The following RRP9 variants were observed in gnomAD, a reference collection of about 807,000 sequenced individuals.
RRP9 encodes U3 small nucleolar RNA-interacting protein 2.
In RRP9, 35 loss-of-function variants were observed where a neutral mutation model predicts 65.5. The observed-to-expected ratio is 0.53, with a 90% CI of 0.41 to 0.71. The LOEUF (loss-of-function observed/expected upper bound fraction) is 0.71. Among genes scored for constraint, RRP9 ranks in the 30% least tolerant of loss-of-function variants. The pLI is 0.00. For missense variants in RRP9, 533 were observed against 633.6 expected (o/e 0.84, Z 1.70); for synonymous variants, 254 against 245.0 (o/e 1.04, Z -0.34).
chr3:51,941,792 G>T lies in RRP9; in HGVS notation c.76C>A (p.Arg26=). Residue 26 remains arginine (R), a synonymous_variant, in exon 1 of 15, where the codon CGG becomes AGG. Coordinates refer to ENST00000232888, the MANE Select transcript of RRP9 (RefSeq NM_004704.5). ...AGCGCCATGCTCACCTTTCGCCGCC[G>T]CTTGCCGGCCCCCGCGCCAGCCCCG... is the stretch of plus-strand genomic sequence containing the variant. ...GAGAGAGAGK[R]RRKADSAGDR... The T allele has an allele frequency of 6.4e-7, 1 of 1,565,096 alleles. No individual in the cohort carries two copies. Among genetic ancestry groups the T allele is most frequent in the Admixed American group, 1.8e-5 (1 of 56,852 alleles).
rs762917875 is a variant in RRP9 at position 51,935,256 on chromosome 3, G to A, written c.975C>T (p.Gly325=). 1.4e-5 allele frequency: 23 copies of A among 1,614,216 alleles called. No individual in the cohort carries two copies. Among genetic ancestry groups the A allele is most frequent in the Non-Finnish European group, 1.9e-5 (23 of 1,180,040 alleles). The change falls in exon 11 of 15, where the codon GGC becomes GGT. Residue 325 remains glycine, a synonymous_variant. Coordinates refer to ENST00000232888, the MANE Select transcript of RRP9 (RefSeq NM_004704.5). ...TGATTAGGTGGATGCAGTCGATGGA[G>A]CCCCTGGAGAAAGGGGCTGTGAGGA... ...ESQLVFYGHQ[G]SIDCIHLINE...
chr3:51,933,802 G>T, intron 13 of RRP9, 21 bp from the exon 14 acceptor site: 1 of 1,612,844 alleles, frequency 6.2e-7, no homozygotes, highest in Non-Finnish European at 8.5e-7. Context: ...AGACAACACG[G>T]AAAGACATTA....
chr3:51,935,370 C>G lies in RRP9; in HGVS notation c.943G>C (p.Glu315Gln), dbSNP rs1305811193. 6.2e-7 allele frequency: 1 copy of G among 1,614,074 alleles called. No individual in the cohort carries two copies. Among genetic ancestry groups the G allele is most frequent in the Non-Finnish European group, 8.5e-7 (1 of 1,180,014 alleles). ...TGGCCATAGAAGACAAGCTGGGACT[C>G]CTCGGGGATCTTCCACACACGTACA... Reference protein sequence around the residue: ...GTVRVWKIPEESQLVFYGHQG... With the variant: ...GTVRVWKIPEQSQLVFYGHQG... The change falls in exon 10 of 15, where the codon GAG becomes CAG. Residue 315 changes from glutamate (E) to glutamine (Q), a missense_variant. This residue lies in a region of RRP9 where 449 missense variants were observed against 550.6 expected (regional missense o/e 0.82). Transcript: ENST00000232888.
rs745791944 is a variant in RRP9, at chr3:51,934,504, G to C, written c.1228C>G (p.Arg410Gly). The C allele has an allele frequency of 1.2e-6, 2 of 1,613,812 alleles. No individual in the cohort carries two copies. Among genetic ancestry groups the C allele is most frequent in the East Asian group, 2.2e-5 (1 of 44,892 alleles). Residue 410 changes from arginine (R) to glycine (G), a missense_variant, in exon 13 of 15, where the codon CGG becomes GGG. By Grantham distance (125) the Arg-to-Gly change is moderately radical. This residue lies in a region of RRP9 where 449 missense variants were observed against 550.6 expected (regional missense o/e 0.82). Transcript: ENST00000232888. The surrounding 1 kb of genome is among the most constrained non-coding windows in gnomAD (Gnocchi z 4.1). ...VRLWQCGEGF[R>G]QLDLLCDIPL... ...ATGTCACAGAGAAGGTCAAGCTGCC[G>C]GAAGCCTTCCCCACACTGCCAAAGC...
intron 2 of RRP9, among the ~76,000 whole-genome samples, chr3:51,941,029 A>G (rs1699517071): frequency 6.6e-6 from 1 of 152,186 alleles, no homozygotes; most frequent in Non-Finnish European, 1.5e-5. Context: ...TGCACTTCCA[A>G]CAGCAAAGGC....
intron 2 of RRP9, among the ~76,000 whole-genome samples, chr3:51,939,870 C>T (rs1203136536): frequency 6.6e-6 from 1 of 152,214 alleles, no homozygotes; most frequent in Admixed American, 6.5e-5. Context: ...GTATCTAACA[C>T]ACTTCACAAC....
At position 51,937,976 on chromosome 3, in the gene RRP9, C is replaced by T. The variant is rs531005190; in HGVS notation, c.280+119G>A. On this transcript the variant is annotated intron_variant, in intron 3 of 14. Transcript: ENST00000232888. This position sits in a 1 kb window ranked among gnomAD's most constrained non-coding sequence, Gnocchi z 5.0. ...CCCACAGGGCAGCCAGCACTGACAGCCTGGGCACCCACTGGGAATCCATGT... is the reference window on the plus strand; with the variant it reads ...CCCACAGGGCAGCCAGCACTGACAGTCTGGGCACCCACTGGGAATCCATGT... 2.1e-5 allele frequency: 21 copies of T among 1,019,584 alleles called. No individual in the cohort carries two copies. Among genetic ancestry groups the T allele is most frequent in the South Asian group, 2.0e-4 (13 of 64,604 alleles). The allele number at this position is 1,019,584 out of a possible 1,614,324, so 63.2% of individuals were successfully genotyped here. A position where few individuals can be genotyped will look rare whatever the true frequency, so the allele number is the denominator to read the frequency against.
In RRP9 at chr3:51,938,906, C is replaced by T. The variant is rs148655879; in HGVS notation, c.171-702G>A. Among the ~76,000 whole-genome samples the T allele has an allele frequency of 2.8e-3, 428 of 152,340 alleles. 1 individual carries two copies. Among genetic ancestry groups the T allele is most frequent in the Non-Finnish European group, 5.2e-3 (356 of 68,032 alleles). On this transcript the variant is annotated intron_variant, in intron 2 of 14. Coordinates refer to ENST00000232888, the MANE Select transcript of RRP9 (RefSeq NM_004704.5). Reference sequence around the variant, plus strand: ...ACAGCACCATCCTTTACCCTGGGAACAAGGTTCCAAGCGAACCTTCACTGT... The same window carrying T: ...ACAGCACCATCCTTTACCCTGGGAATAAGGTTCCAAGCGAACCTTCACTGT...
Position 51,941,850 on chromosome 3 carries a change from A to G in RRP9, c.18T>C (p.Ala6=). Residue 6 remains alanine (A), a synonymous_variant, in exon 1 of 15, where the codon GCT becomes GCC. Transcript: ENST00000232888. MSATA[A]ARKRGKPASG... The stretch of plus-strand genomic sequence containing the variant: ...AGGCCGGCTTTCCCCGCTTACGAGC[A>G]GCCGCTGTTGCCGACATGCTGCCCA... 1.3e-6 allele frequency: 2 copies of G among 1,582,908 alleles called. No individual in the cohort carries two copies. Among genetic ancestry groups the G allele is most frequent in the Non-Finnish European group, 1.7e-6 (2 of 1,172,484 alleles).
chr3:51,941,303 G>A, intron 2 of RRP9, 106 bp downstream of exon 2: 1 of 984,770 alleles, frequency 1.0e-6, no homozygotes, highest in Non-Finnish European at 1.6e-6. Flanking sequence ...CAGAGCCAAG[G>A]GACAGAGTCT....
rs770512175 is a variant in RRP9, at chr3:51,938,192, C to T, written c.183G>A (p.Arg61=). 1.1e-5 allele frequency: 18 copies of T among 1,567,784 alleles called. No homozygotes were observed. The highest frequency in any genetic ancestry group is 3.4e-6 in the Non-Finnish European group (4 of 1,160,080). The change falls in exon 3 of 15, where the codon AGG becomes AGA. Residue 61 remains arginine (R), a synonymous_variant. Coordinates refer to ENST00000232888, the MANE Select transcript of RRP9 (RefSeq NM_004704.5). ...SDSESESLAP[R]KPEEEEEEEL... is the part of the protein sequence containing the mutation. Reference sequence around the variant, plus strand: ...CCTCCTCCTCCTCCTCCTCAGGCTTCCTTGGAGCTAGGCTGTGGGCAGGAA... The same window carrying T: ...CCTCCTCCTCCTCCTCCTCAGGCTTTCTTGGAGCTAGGCTGTGGGCAGGAA...
chr3:51,934,328 G>A lies in RRP9; in HGVS notation c.1260+144C>T, dbSNP rs781267545. 2 of 771,712 alleles carry A rather than the reference G, an allele frequency of 2.6e-6. No homozygotes were observed. The highest frequency in any genetic ancestry group is 4.2e-6 in the Non-Finnish European group (2 of 479,084). 47.8% of individuals were successfully genotyped at this position (771,712 alleles called of 1,614,324 possible). ...GGGAGCAGAGGAGGGAAAGTGGGGA[G>A]GGTTCCTGCCAGGCCCTGTGCTAGG... On this transcript the variant is annotated intron_variant, in intron 13 of 14. Coordinates refer to ENST00000232888, the MANE Select transcript of RRP9 (RefSeq NM_004704.5). The surrounding 1 kb of genome is among the most constrained non-coding windows in gnomAD (Gnocchi z 4.1).
rs1441927942 is a variant in RRP9, at chr3:51,935,225, C to T, written c.1006G>A (p.Glu336Lys). 6.2e-7 allele frequency: 1 copy of T among 1,614,042 alleles called. No homozygotes were observed. Among genetic ancestry groups the T allele is most frequent in the Non-Finnish European group, 8.5e-7 (1 of 1,180,034 alleles). Residue 336 changes from glutamate to lysine, a missense_variant, in exon 11 of 15, where the codon GAG (glutamate) becomes AAG (lysine). By Grantham distance (56) the Glu-to-Lys change is moderately conservative. Around this residue, in one of 3 missense-constraint regions of RRP9, gnomAD observed 449 missense variants for 550.6 expected, o/e 0.82. Coordinates refer to ENST00000232888, the MANE Select transcript of RRP9 (RefSeq NM_004704.5). ...SIDCIHLINE[E>K]HMVSGADDGS... Reference sequence around the variant, plus strand: ...TCGTCCGCGCCGGACACCATGTGCTCCTCATTGATTAGGTGGATGCAGTCG... The same window carrying T: ...TCGTCCGCGCCGGACACCATGTGCTTCTCATTGATTAGGTGGATGCAGTCG...
chr3:51,935,870 A>T (rs549312395), intron 8 of RRP9, among the ~76,000 whole-genome samples, 178 bp from the exon 9 acceptor site: 6 of 151,844 alleles, frequency 4.0e-5, no homozygotes, highest in Admixed American at 2.6e-4. Flanking sequence ...TTATTTATTT[A>T]TTTTTTTTAG....
Position 51,936,336 on chromosome 3 carries a change from C to A in RRP9, c.656G>T (p.Arg219Leu). The part of the protein sequence containing the change: ...SDGKYLASGD[R>L]SKLILIWEAQ... ...CTCCCAAATGAGAATGAGCTTGCTG[C>A]GGTCACCAGAGGCCTGCAGGGATGA... is the stretch of plus-strand genomic sequence containing the variant. The change falls in exon 8 of 15, where the codon CGC becomes CTC. Residue 219 changes from arginine to leucine, a missense_variant. Physicochemically the swap from Arg to Leu is moderately radical, Grantham distance 102. Around this residue, in one of 3 missense-constraint regions of RRP9, gnomAD observed 449 missense variants for 550.6 expected, o/e 0.82. Transcript: ENST00000232888. 1 of 1,614,162 alleles carries A rather than the reference C, an allele frequency of 6.2e-7. No homozygotes were observed.
intron 6 of RRP9, among the ~76,000 whole-genome samples, 198 bp from the exon 7 acceptor site, chr3:51,936,753 A>G (rs2106674085): frequency 6.6e-6 from 1 of 152,292 alleles, no homozygotes; most frequent in South Asian, 2.1e-4. Context: ...AGTGCCAAAC[A>G]GCAGCCACAA....
At position 51,933,455 on chromosome 3, in the gene RRP9, A is replaced by G. The variant is rs1339287425; in HGVS notation, c.*51T>C. On this transcript the variant is annotated 3_prime_UTR_variant, in exon 15 of 15. Coordinates refer to ENST00000232888, the MANE Select transcript of RRP9 (RefSeq NM_004704.5). ...CCCAAAAGAGGAGGCTTTTAATACA[A>G]AGAGGGTGGGGCATAGCCTGGGAAG... 6.7e-7 allele frequency: 1 copy of G among 1,482,862 alleles called. No individual in the cohort carries two copies. The highest frequency in any genetic ancestry group is 1.8e-4 in the Middle Eastern group (1 of 5,694). 91.9% of individuals were successfully genotyped at this position (1,482,862 alleles called of 1,614,324 possible).
chr3:51,935,485 C>A lies in RRP9; in HGVS notation c.837-9G>T, dbSNP rs1479124496. On this transcript the variant is annotated splice_polypyrimidine_tract_variant and intron_variant, in intron 9 of 14. Coordinates refer to ENST00000232888, the MANE Select transcript of RRP9 (RefSeq NM_004704.5). ...CGTCCTGGTGTCCGAAGCTAGAGGG[C>A]CGGGCAGAGCAGGATAGTGGGGATA... The A allele has an allele frequency of 1.2e-6, 2 of 1,614,066 alleles. No individual in the cohort carries two copies. The highest frequency in any genetic ancestry group is 1.7e-6 in the Non-Finnish European group (2 of 1,180,020).
intron 13 of RRP9, 37 bp from the exon 14 acceptor site, chr3:51,933,818 C>T (rs751971091): frequency 5.7e-6 from 9 of 1,581,968 alleles, no homozygotes; most frequent in Admixed American, 1.7e-5. Context: ...CATTAGAACG[C>T]CCCCCGCCAC....
Sources: gnomAD v4.1 joint callset for allele counts (sites outside exome capture counted in the v4.1 genomes callset) on GRCh38, gnomAD v4.1.1 for gene constraint, gnomAD v4.1.1 regional missense constraint, Gnocchi (gnomAD v3.1) non-coding constraint, MANE v1.5 for transcripts, NCBI Gene and HGNC (gene_info 2026-07-23, HGNC 2026-07-21) for gene names.